SOX6: variants seen among roughly 807,000 people sequenced by gnomAD.
The protein encoded by SOX6 is transcription factor SOX-6.
SOX6 carries 11 observed loss-of-function variants against 97.8 expected under a neutral mutation model. That is an observed-to-expected ratio of 0.11 (90% CI 0.07 to 0.19). SOX6 has a LOEUF of 0.19. Among genes scored for constraint, SOX6 ranks in the 10% least tolerant of loss-of-function variants. SOX6 has a pLI of 1.00. For synonymous variants in SOX6, 360 were observed against 371.4 expected (o/e 0.97, Z 0.35); for missense variants, 810 against 1,039.5 (o/e 0.78, Z 3.04).
intron 1 of SOX6, among the ~76,000 whole-genome samples, chr11:16,355,881 A>T (rs1857059241): frequency 6.6e-6 from 1 of 152,070 alleles, no homozygotes; most frequent in Non-Finnish European, 1.5e-5. Flanking sequence ...GGAAAACCAA[A>T]TCTGTTTTTA....
intron 3 of SOX6, chr11:16,312,736 T>C (rs1030462365): frequency 6.6e-6 from 1 of 152,202 alleles, no homozygotes; most frequent in Non-Finnish European, 1.5e-5. Flanking sequence ...TATTTAGATA[T>C]AGAAGTCCTT....
chr11:16,365,285 C>CTGTGTGTG (rs35122849), intron 1 of SOX6, among the ~76,000 whole-genome samples: 57 of 148,810 alleles, frequency 3.8e-4, no homozygotes, highest in East Asian at 1.8e-3. Context: ...CAGGGAAGTA[C>CTGTGTGTG]TGTGTGTGTG....
intron 2 of SOX6, among the ~76,000 whole-genome samples, chr11:16,716,211 G>A (rs57458082): frequency 3.9e-5 from 6 of 152,244 alleles, no homozygotes; most frequent in South Asian, 2.1e-4. Flanking sequence ...ACTCTAGTCC[G>A]GGTGACAGAG....
At chr11:16,239,587 A>T (rs1179636366) in intron 3 of SOX6, among the ~76,000 whole-genome samples, 1 of 152,116 alleles carries the variant, frequency 6.6e-6, no homozygotes, top group African/African-American at 2.4e-5. Context: ...TTAACCTCTT[A>T]AATGTTTTTG....
At chr11:16,183,672 T>G (rs529473616) in intron 6 of SOX6, among the ~76,000 whole-genome samples, 1 of 152,140 alleles carries the variant, frequency 6.6e-6, no homozygotes, top group African/African-American at 2.4e-5. Context: ...AGATAAGGGT[T>G]ATTTTGCTTA....
chr11:16,502,177 C>T (rs1297673849), intron 4 of SOX6, among the ~76,000 whole-genome samples: 2 of 152,186 alleles, frequency 1.3e-5, no homozygotes, highest in East Asian at 3.9e-4. Context: ...ATGGATGAGG[C>T]TGGAAACCAT....
intron 4 of SOX6, among the ~76,000 whole-genome samples, chr11:16,203,262 G>C (rs764277785): frequency 6.6e-6 from 1 of 151,934 alleles, no homozygotes; most frequent in African/African-American, 2.4e-5. Flanking sequence ...TAAAAATTTA[G>C]CTTTCTGACA....
intron 6 of SOX6, among the ~76,000 whole-genome samples, chr11:16,141,335 A>G (rs1229468727): frequency 6.6e-6 from 1 of 152,202 alleles, no homozygotes; most frequent in Non-Finnish European, 1.5e-5. Context: ...ACAAGTTCCC[A>G]GCCCTGACTG....
At chr11:16,587,852 T>A (rs2133970966) in intron 4 of SOX6, among the ~76,000 whole-genome samples, 1 of 152,332 alleles carries the variant, frequency 6.6e-6, no homozygotes, top group East Asian at 1.9e-4. Context: ...CACTGGCCAC[T>A]GCTGCCAGTC....
At chr11:16,546,856 T>C (rs1015361682) in intron 4 of SOX6, among the ~76,000 whole-genome samples, 7 of 152,128 alleles carry the variant, frequency 4.6e-5, no homozygotes, top group Non-Finnish European at 8.8e-5. Flanking sequence ...ATTTGCAAAC[T>C]AGTCATCTGA....
intron 4 of SOX6, among the ~76,000 whole-genome samples, chr11:16,588,636 T>C (rs2133971338): frequency 6.6e-6 from 1 of 152,284 alleles, no homozygotes; most frequent in Admixed American, 6.5e-5. Context: ...CACTTAACTA[T>C]GGAACTTTGC....
At chr11:16,459,736 T>C (rs937366956) in intron 1 of SOX6, among the ~76,000 whole-genome samples, 2 of 151,850 alleles carry the variant, frequency 1.3e-5, no homozygotes, top group Non-Finnish European at 2.9e-5. Flanking sequence ...CAAAAATACG[T>C]GAACTTGAAG....
intron 4 of SOX6, among the ~76,000 whole-genome samples, chr11:16,197,392 T>G (rs1235899434): frequency 6.6e-6 from 1 of 152,172 alleles, no homozygotes; most frequent in Non-Finnish European, 1.5e-5. Flanking sequence ...GAGATTATGT[T>G]TTTATATAAT....
intron 1 of SOX6, chr11:16,402,681 T>G (rs1245706370): frequency 1.2e-6 from 2 of 1,611,120 alleles, no homozygotes; most frequent in Admixed American, 3.3e-5. Flanking sequence ...CTTTCCTTCC[T>G]CCACCCACTC....
At chr11:16,193,296 C>G (rs1327715608) in intron 4 of SOX6, among the ~76,000 whole-genome samples, 1 of 151,926 alleles carries the variant, frequency 6.6e-6, no homozygotes, top group Admixed American at 6.6e-5. Context: ...CTCTTGAGAC[C>G]AGGAGGTTGA....
At chr11:16,510,650 C>T (rs571583276) in intron 4 of SOX6, among the ~76,000 whole-genome samples, 1 of 152,064 alleles carries the variant, frequency 6.6e-6, no homozygotes, top group South Asian at 2.1e-4. Context: ...AATAATCCAT[C>T]TTTTTATGTT....
intron 3 of SOX6, among the ~76,000 whole-genome samples, chr11:16,664,078 C>T (rs551706810): frequency 2.0e-5 from 3 of 152,068 alleles, no homozygotes; most frequent in Non-Finnish European, 4.4e-5. Flanking sequence ...GCCTGGGCAA[C>T]ATAGCAAGAC....
At chr11:16,695,156 A>C (rs1848044394) in intron 3 of SOX6, among the ~76,000 whole-genome samples, 1 of 152,206 alleles carries the variant, frequency 6.6e-6, no homozygotes, top group Non-Finnish European at 1.5e-5. Flanking sequence ...CCAAAGGAAA[A>C]AGATCTCTGA....
At chr11:16,415,762 G>A (rs79741340) in intron 1 of SOX6, among the ~76,000 whole-genome samples, 12,111 of 152,056 alleles carry the variant, frequency 0.08, 649 homozygotes, top group Non-Finnish European at 0.12. Flanking sequence ...GATCAATCAC[G>A]AGGGATACTA....
Sources: gnomAD v4.1 joint callset for allele counts (sites outside exome capture counted in the v4.1 genomes callset) on GRCh38, gnomAD v4.1.1 for gene constraint, MANE v1.5 for transcripts, NCBI Gene and HGNC (gene_info 2026-07-23, HGNC 2026-07-21) for gene names.